Variants in ARHGAP22 observed in about 807,000 individuals in gnomAD.
ARHGAP22 encodes rho GTPase-activating protein 22.
In ARHGAP22, 48 loss-of-function variants were observed where a neutral mutation model predicts 59.1. The ratio of observed to expected loss-of-function variants is 0.81; its 90% CI spans 0.64 to 1.03. ARHGAP22 has a LOEUF of 1.03. Among genes scored for constraint, ARHGAP22 ranks in the 50% least tolerant of loss-of-function variants. The probability of loss-of-function intolerance (pLI) is 0.00; values close to 1 mark genes in which losing one functional copy is unlikely to be tolerated. For synonymous variants in ARHGAP22, 445 were observed against 416.4 expected, an observed-to-expected ratio of 1.07 and a Z score of -0.84; for missense variants, 1,015 against 958.7, an observed-to-expected ratio of 1.06 and a Z score of -0.78.
intron 5 of ARHGAP22, among the ~76,000 whole-genome samples, chr10:48,457,090 G>C (rs10857573): frequency 0.9 from 136,707 of 152,002 alleles, 63,101 homozygotes; most frequent in East Asian, 1. Context: ...TGGGGACAAA[G>C]AGGCCCTGGT....
At chr10:48,601,829 T>C (rs558525671) in intron 1 of ARHGAP22, among the ~76,000 whole-genome samples, 2 of 152,358 alleles carry the variant, frequency 1.3e-5, no homozygotes, top group African/African-American at 4.8e-5. Context: ...AAACATTCTA[T>C]GAGTTGTCTA....
chr10:48,517,114 G>T (rs748620781), intron 3 of ARHGAP22, among the ~76,000 whole-genome samples: 1 of 152,204 alleles, frequency 6.6e-6, no homozygotes, highest in African/African-American at 2.4e-5. Context: ...CTACCAACAG[G>T]CATGGGGTTT....
chr10:48,552,477 AC>A (rs1159769842), intron 3 of ARHGAP22, among the ~76,000 whole-genome samples: 2 of 152,152 alleles, frequency 1.3e-5, no homozygotes, highest in Non-Finnish European at 2.9e-5. Flanking sequence ...GCCACCCTTC[AC>A]CCACCCAGCC....
intron 4 of ARHGAP22, among the ~76,000 whole-genome samples, chr10:48,461,711 G>A (rs947267316): frequency 6.6e-6 from 1 of 152,196 alleles, no homozygotes; most frequent in African/African-American, 2.4e-5. Flanking sequence ...CAGCCCCTAA[G>A]CTCTACAAGG....
chr10:48,514,342 G>T (rs2053085514), intron 3 of ARHGAP22, among the ~76,000 whole-genome samples: 1 of 152,046 alleles, frequency 6.6e-6, no homozygotes, highest in African/African-American at 2.4e-5. Context: ...AAAGAATCTT[G>T]AAAGAAACAA....
intron 1 of ARHGAP22, among the ~76,000 whole-genome samples, chr10:48,588,214 G>A (rs2059544548): frequency 6.6e-6 from 1 of 152,156 alleles, no homozygotes; most frequent in Non-Finnish European, 1.5e-5. Flanking sequence ...GGAAGCTCTG[G>A]GTGGTCTCTA....
intron 3 of ARHGAP22, among the ~76,000 whole-genome samples, chr10:48,553,939 C>T (rs1164064508): frequency 1.3e-5 from 2 of 152,190 alleles, no homozygotes; most frequent in African/African-American, 4.8e-5. Flanking sequence ...GGGGCCACAC[C>T]CCTCGCCTAG....
chr10:48,554,856 C>T (rs972918140), intron 3 of ARHGAP22, among the ~76,000 whole-genome samples: 2 of 152,196 alleles, frequency 1.3e-5, no homozygotes, highest in South Asian at 2.1e-4. Context: ...AGATCCTTGT[C>T]TCAGGCTCTG....
chr10:48,445,779 A>T (rs1300886989), downstream of ARHGAP22: 1 of 154,336 alleles, frequency 6.5e-6, no homozygotes, highest in East Asian at 2.0e-4. Flanking sequence ...CAAGACAGAA[A>T]CTAGCTGCAG....
intron 8 of ARHGAP22, among the ~76,000 whole-genome samples, chr10:48,452,890 CAT>C (rs973074858): frequency 1.2e-4 from 19 of 152,328 alleles, no homozygotes; most frequent in Non-Finnish European, 2.1e-4. Context: ...TGTTATTTAT[CAT>C]AGAGAAATTC....
chr10:48,474,745 A>G (rs1044582049), intron 4 of ARHGAP22, among the ~76,000 whole-genome samples: 2 of 152,176 alleles, frequency 1.3e-5, no homozygotes, highest in African/African-American at 4.8e-5. Flanking sequence ...TTATTCTGTT[A>G]ATATAGTACA....
At chr10:48,502,482 T>G (rs1714954366) in intron 3 of ARHGAP22, among the ~76,000 whole-genome samples, 1 of 152,170 alleles carries the variant, frequency 6.6e-6, no homozygotes. Context: ...TGCTTCCCAC[T>G]GGGCTCCTGC....
intron 4 of ARHGAP22, among the ~76,000 whole-genome samples, chr10:48,464,533 G>A (rs1456737759): frequency 1.3e-5 from 2 of 152,230 alleles, no homozygotes; most frequent in African/African-American, 4.8e-5. Flanking sequence ...GGGGTGCAGG[G>A]CACATGATGG....
chr10:48,583,718 G>A (rs2059255311), intron 1 of ARHGAP22, among the ~76,000 whole-genome samples: 2 of 152,178 alleles, frequency 1.3e-5, no homozygotes, highest in South Asian at 4.1e-4. Context: ...TCTGGTTTCT[G>A]CTTAGCCCCT....
intron 3 of ARHGAP22, among the ~76,000 whole-genome samples, chr10:48,509,355 A>G (rs1407925451): frequency 6.6e-6 from 1 of 152,112 alleles, no homozygotes; most frequent in East Asian, 1.9e-4. Flanking sequence ...CAGAGGGGAC[A>G]CCTCCAGCAG....
intron 1 of ARHGAP22, among the ~76,000 whole-genome samples, chr10:48,587,778 C>T (rs2059516812): frequency 6.6e-6 from 1 of 152,230 alleles, no homozygotes; most frequent in African/African-American, 2.4e-5. Context: ...GAAGCTGGTT[C>T]ATTAAATGCA....
chr10:48,616,982 A>T (rs897915795), intron 1 of ARHGAP22, among the ~76,000 whole-genome samples: 8 of 152,228 alleles, frequency 5.3e-5, no homozygotes, highest in African/African-American at 1.7e-4. Flanking sequence ...TTAAAAGACA[A>T]CTATGTAAGA....
intron 1 of ARHGAP22, among the ~76,000 whole-genome samples, chr10:48,643,752 T>TA (rs35924464): frequency 0.021 from 2,944 of 141,208 alleles, 35 homozygotes; most frequent in South Asian, 0.029. Context: ...AAAGTATAAT[T>TA]AAAAAAAAAA....
intron 1 of ARHGAP22, among the ~76,000 whole-genome samples, chr10:48,590,840 C>T (rs183251208): frequency 1.3e-4 from 18 of 143,066 alleles, no homozygotes; most frequent in Admixed American, 1.2e-3. Flanking sequence ...AGAAATTCAG[C>T]GCATGGGCAG....
Sources: gnomAD v4.1 joint callset for allele counts (sites outside exome capture counted in the v4.1 genomes callset) on GRCh38, gnomAD v4.1.1 for gene constraint, MANE v1.5 for transcripts, NCBI Gene and HGNC (gene_info 2026-07-23, HGNC 2026-07-21) for gene names.